The following STRIP2 variants were observed in gnomAD, a reference collection of about 807,000 sequenced individuals.
The protein encoded by STRIP2 is striatin-interacting protein 2.
A neutral mutation model predicts 107.1 loss-of-function variants in STRIP2; 84 were observed. That is an observed-to-expected ratio of 0.78 (90% confidence interval 0.66 to 0.94). STRIP2 has a LOEUF of 0.94. Among genes scored for constraint, STRIP2 ranks in the 40% least tolerant of loss-of-function variants. The probability of loss-of-function intolerance (pLI) is 0.00; values close to 1 mark genes in which losing one functional copy is unlikely to be tolerated. For missense variants in STRIP2, 888 were observed against 1,034.2 expected, an observed-to-expected ratio of 0.86 and a Z score of 1.94; for synonymous variants, 394 against 400.4, an observed-to-expected ratio of 0.98 and a Z score of 0.19.
At chr7:129,442,334 G>A (rs1031870511) in intron 2 of STRIP2, among the ~76,000 whole-genome samples, 8 of 152,120 alleles carry the variant, frequency 5.3e-5, no homozygotes, top group African/African-American at 1.9e-4. Context: ...TTTAAACAGA[G>A]CAATATCATA....
intron 1 of STRIP2, among the ~76,000 whole-genome samples, chr7:129,439,305 CAG>C (rs1229362891): frequency 6.6e-6 from 1 of 152,098 alleles, no homozygotes; most frequent in Non-Finnish European, 1.5e-5. Context: ...CGCTGAGGCA[CAG>C]AGAGGTTAAC....
chr7:129,474,406 A>T (rs994413811), intron 18 of STRIP2, among the ~76,000 whole-genome samples: 3 of 152,178 alleles, frequency 2.0e-5, no homozygotes, highest in Admixed American at 6.6e-5. Flanking sequence ...GGGCTTAGTG[A>T]TCCTCCTGCC....
At chr7:129,451,329 G>A (rs1584943454) in intron 3 of STRIP2, among the ~76,000 whole-genome samples, 1 of 152,232 alleles carries the variant, frequency 6.6e-6, no homozygotes, top group Middle Eastern at 3.4e-3. Context: ...TGAATATGTA[G>A]GGAGACAGAG....
rs1333435642 is a variant in STRIP2, at chr7:129,487,460, A to G, written c.*1631A>G. On this transcript the variant is annotated 3_prime_UTR_variant, in exon 21 of 21. Coordinates refer to ENST00000249344, the MANE Select transcript of STRIP2 (RefSeq NM_020704.3). ...TCTGCCCCTCGTCAACCACAGTATC[A>G]TTTCAAGGACATGAATAAAATACTT... is the stretch of plus-strand genomic sequence containing the variant. 6.6e-6 allele frequency: 1 copy of G among 152,206 alleles called. No homozygotes were observed. Among genetic ancestry groups the G allele is most frequent in the Non-Finnish European group, 1.5e-5 (1 of 68,036 alleles). The allele number at this position is 152,206 out of a possible 1,614,324, so 9.4% of individuals were successfully genotyped here. A position where few individuals can be genotyped will look rare whatever the true frequency, so the allele number is the denominator to read the frequency against.
At chr7:129,466,815 A>G (rs1798681593) in intron 16 of STRIP2, among the ~76,000 whole-genome samples, 1 of 152,190 alleles carries the variant, frequency 6.6e-6, no homozygotes, top group African/African-American at 2.4e-5. Flanking sequence ...CCCATACTCC[A>G]AGCGGCCAGT....
At chr7:129,482,795 T>A in intron 19 of STRIP2, 47 bp from the exon 20 acceptor site, 1 of 1,602,300 alleles carries the variant, frequency 6.2e-7, no homozygotes. Flanking sequence ...AAACTGGAAA[T>A]TCCAAGAAAC....
Position 129,447,281 on chromosome 7 carries a change from A to G in STRIP2, c.274+3183A>G, listed in dbSNP as rs553537780. Among the ~76,000 whole-genome samples the G allele has an allele frequency of 3.3e-5, 5 of 152,302 alleles. No homozygotes were observed. In the East Asian group the frequency reaches 9.6e-4, roughly 29 times the overall value. ...AGGAATGTGTTGCCTCCAAAATCCA[A>G]ATAGACCCACTAGGCATTGTGCTTC... On this transcript the variant is annotated intron_variant, in intron 3 of 20. Transcript: ENST00000249344.
At chr7:129,476,193 GCCC>G (rs1254210319) in intron 18 of STRIP2, among the ~76,000 whole-genome samples, 1 of 149,000 alleles carries the variant, frequency 6.7e-6, no homozygotes, top group African/African-American at 2.5e-5. Context: ...GGCGGGGGCT[GCCC>G]CCCACCTCCC....
Position 129,462,971 on chromosome 7 carries a change from A to C in STRIP2, c.1482A>C (p.Glu494Asp). ...CCATGTATTTCTTGCCATAGGGGGA[A>C]GAGGTGGTACCAGAGACGCCATGTG... ...ELEKCPMSLGEEVVPETPCEI... is the reference protein window; with the variant it reads ...ELEKCPMSLGDEVVPETPCEI... The change falls in exon 14 of 21, where the codon GAA becomes GAC. Residue 494 changes from glutamate to aspartate, a missense_variant. Transcript: ENST00000249344. 6.2e-7 allele frequency: 1 copy of C among 1,613,972 alleles called. No homozygotes were observed. The highest frequency in any genetic ancestry group is 8.5e-7 in the Non-Finnish European group (1 of 1,179,858).
At chr7:129,455,489 C>A in intron 8 of STRIP2, 118 bp downstream of exon 8, 1 of 1,273,958 alleles carries the variant, frequency 7.8e-7, no homozygotes, top group Non-Finnish European at 1.1e-6. Context: ...AGCCCTTAGC[C>A]AACTGCTAAT....
intron 18 of STRIP2, among the ~76,000 whole-genome samples, chr7:129,474,167 G>A (rs901698208): frequency 1.6e-4 from 24 of 150,870 alleles, no homozygotes; most frequent in African/African-American, 5.9e-4. Flanking sequence ...TTTTGAGACA[G>A]GGTCTCGAAG....
chr7:129,437,046 T>G (rs905082952), intron 1 of STRIP2, among the ~76,000 whole-genome samples: 6 of 152,182 alleles, frequency 3.9e-5, no homozygotes, highest in African/African-American at 1.2e-4. Flanking sequence ...TTCTAAAAAT[T>G]TAGTTCAATA....
chr7:129,479,906 T>G (rs894551983), intron 18 of STRIP2, among the ~76,000 whole-genome samples: 5 of 152,198 alleles, frequency 3.3e-5, no homozygotes, highest in Non-Finnish European at 7.4e-5. Context: ...ACATTAGATA[T>G]ATGCCTGTCT....
rs1380542171 is a variant in STRIP2 at position 129,487,296 on chromosome 7, T to C, written c.*1467T>C. On this transcript the variant is annotated 3_prime_UTR_variant, in exon 21 of 21. Coordinates refer to ENST00000249344, the MANE Select transcript of STRIP2 (RefSeq NM_020704.3). The stretch of plus-strand genomic sequence containing the variant: ...TCCCAGGGTGCTGGGATTACAGGTG[T>C]GAGCCACCATGCCCAGCCTCTTCAA... The C allele has an allele frequency of 6.6e-6, 1 of 152,208 alleles. No individual in the cohort carries two copies. Among genetic ancestry groups the C allele is most frequent in the Admixed American group, 6.5e-5 (1 of 15,270 alleles). 9.4% of individuals were successfully genotyped at this position (152,208 alleles called of 1,614,324 possible).
chr7:129,485,097 C>A (rs1036759023), intron 20 of STRIP2, among the ~76,000 whole-genome samples: 24 of 152,172 alleles, frequency 1.6e-4, no homozygotes, highest in Non-Finnish European at 5.9e-5. Flanking sequence ...CCATGTTATA[C>A]CCCTCTTGCC....
chr7:129,480,982 C>T, intron 19 of STRIP2, 93 bp downstream of exon 19: 1 of 908,800 alleles, frequency 1.1e-6, no homozygotes, highest in Admixed American at 2.2e-5. Context: ...GGTTTGTGAT[C>T]TCCGTATATA....
At chr7:129,480,371 C>T (rs1231656515) in intron 18 of STRIP2, among the ~76,000 whole-genome samples, 2 of 152,156 alleles carry the variant, frequency 1.3e-5, no homozygotes, top group Admixed American at 6.5e-5. Context: ...TAGTTGATAT[C>T]AGATCCATCC....
At chr7:129,471,558 A>G (rs1013566236) in intron 18 of STRIP2, among the ~76,000 whole-genome samples, 3 of 152,198 alleles carry the variant, frequency 2.0e-5, no homozygotes, top group Non-Finnish European at 4.4e-5. Flanking sequence ...TTGTCCTCCA[A>G]TTGTAATTCC....
chr7:129,462,229 C>T (rs1339475068), intron 13 of STRIP2, among the ~76,000 whole-genome samples: 2 of 152,350 alleles, frequency 1.3e-5, no homozygotes, highest in East Asian at 3.9e-4. Context: ...CCATTTAGGA[C>T]TTACGTCCAT....
Sources: gnomAD v4.1 joint callset for allele counts (sites outside exome capture counted in the v4.1 genomes callset) on GRCh38, gnomAD v4.1.1 for gene constraint, MANE v1.5 for transcripts, NCBI Gene and HGNC (gene_info 2026-07-23, HGNC 2026-07-21) for gene names.